The following PLA2G4F variants were observed in gnomAD, a reference collection of about 807,000 sequenced individuals.
PLA2G4F encodes the protein cytosolic phospholipase A2 zeta.
In PLA2G4F, 105 loss-of-function variants were observed where a neutral mutation model predicts 103.1. That is an observed-to-expected ratio of 1.02 (90% CI 0.87 to 1.20). The LOEUF is 1.20. PLA2G4F is among the 50% of genes most tolerant of loss of function. The pLI, the probability that PLA2G4F is intolerant of heterozygous loss-of-function variation, is 0.00. For missense variants in PLA2G4F, 1,155 were observed against 1,075.9 expected, an observed-to-expected ratio of 1.07 and a Z score of -1.03; for synonymous variants, 468 against 441.1, an observed-to-expected ratio of 1.06 and a Z score of -0.76.
At chr15:42,142,362 C>T (rs1371367847) in intron 19 of PLA2G4F, among the ~76,000 whole-genome samples, 158 bp from the exon 20 acceptor site, 1 of 152,208 alleles carries the variant, frequency 6.6e-6, no homozygotes, top group Non-Finnish European at 1.5e-5. Context: ...GAGGGGCTGG[C>T]CCCATCTGAA....
In PLA2G4F at chr15:42,141,047, T is replaced by A; in HGVS notation, c.*937A>T. 2.8e-6 allele frequency: 1 copy of A among 352,508 alleles called. No homozygotes were observed. The highest frequency in any genetic ancestry group is 5.6e-6 in the Non-Finnish European group (1 of 177,372). 21.8% of individuals were successfully genotyped at this position (352,508 alleles called of 1,614,324 possible). The stretch of plus-strand genomic sequence containing the variant: ...AACTTGCCAAGACCCATTGGATGCA[T>A]CTGGGAAAGAGGCAAGAGCCCAGGC... On this transcript the variant is annotated 3_prime_UTR_variant, in exon 20 of 20. Coordinates refer to ENST00000397272, the MANE Select transcript of PLA2G4F (RefSeq NM_213600.4).
intron 18 of PLA2G4F, among the ~76,000 whole-genome samples, chr15:42,143,256 A>T (rs1339344988): frequency 2.0e-5 from 3 of 151,672 alleles, no homozygotes; most frequent in Non-Finnish European, 4.4e-5. Flanking sequence ...GTAATGATCA[A>T]CAATCAATCA....
rs2048815678 is a variant in PLA2G4F at position 42,140,075 on chromosome 15, A to C, written c.*1909T>G. The C allele has an allele frequency of 6.6e-6, 1 of 152,202 alleles. No individual in the cohort carries two copies. The highest frequency in any genetic ancestry group is 1.5e-5 in the Non-Finnish European group (1 of 68,034). 9.4% of individuals were successfully genotyped at this position (152,202 alleles called of 1,614,324 possible). A position where few individuals can be genotyped will look rare whatever the true frequency, so the allele number is the denominator to read the frequency against. On this transcript the variant is annotated 3_prime_UTR_variant, in exon 20 of 20. Coordinates refer to ENST00000397272, the MANE Select transcript of PLA2G4F (RefSeq NM_213600.4). ...TTTCTTGGGAGAGGGTCTGTGGTTTATATCAGCTCTTCAAAAAGTCCACAT... is the reference window on the plus strand; with the variant it reads ...TTTCTTGGGAGAGGGTCTGTGGTTTCTATCAGCTCTTCAAAAAGTCCACAT...
rs766525757 is a variant in PLA2G4F at position 42,150,525 on chromosome 15, G to A, written c.772-39C>T. ...AACACCCAAGAAGCTCTCCAGCAGGGAAGAAAAGTCTCCCCCAACGTGGCC... is the reference window on the plus strand; with the variant it reads ...AACACCCAAGAAGCTCTCCAGCAGGAAAGAAAAGTCTCCCCCAACGTGGCC... On this transcript the variant is annotated intron_variant, in intron 8 of 19. Coordinates refer to ENST00000397272, the MANE Select transcript of PLA2G4F (RefSeq NM_213600.4). 28 of 1,602,060 alleles carry A rather than the reference G, an allele frequency of 1.7e-5. No homozygotes were observed. In the South Asian group the frequency reaches 2.9e-4, roughly 17 times the overall value.
chr15:42,146,929 C>T, intron 13 of PLA2G4F, 195 bp downstream of exon 13: 1 of 591,836 alleles, frequency 1.7e-6, no homozygotes. Flanking sequence ...CAGGCTCCTC[C>T]TCCCCAGGGG....
chr15:42,153,249 C>A, intron 6 of PLA2G4F, 51 bp downstream of exon 6: 1 of 1,568,562 alleles, frequency 6.4e-7, no homozygotes, highest in South Asian at 1.2e-5. Flanking sequence ...GTCACGGGTT[C>A]CTCACTGCCC....
intron 18 of PLA2G4F, among the ~76,000 whole-genome samples, chr15:42,142,989 G>A (rs1440659807): frequency 6.6e-6 from 1 of 151,960 alleles, no homozygotes; most frequent in African/African-American, 2.4e-5. Flanking sequence ...GACCACCCTG[G>A]CCAACATGGT....
In PLA2G4F at chr15:42,148,073, T is replaced by C. The variant is rs376957118; in HGVS notation, c.1060-311A>G. On this transcript the variant is annotated intron_variant, in intron 11 of 19. Coordinates refer to ENST00000397272, the MANE Select transcript of PLA2G4F (RefSeq NM_213600.4). ...GGGCGCCTGCCTGTAGTCCCAGCTA[T>C]CTGGAGGCTGAGGCAGGAGAATGGC... Among the ~76,000 whole-genome samples, 49 of 151,826 alleles carry C rather than the reference T, an allele frequency of 3.2e-4. No individual in the cohort carries two copies. The East Asian group carries it at 7.4e-3, about 23-fold the overall frequency.
Position 42,154,151 on chromosome 15 carries a change from C to A in PLA2G4F, c.391G>T (p.Asp131Tyr). The change falls in exon 4 of 20, where the codon GAC becomes TAC. Residue 131 changes from aspartate (D) to tyrosine (Y), a missense_variant. By Grantham distance (160) the Asp-to-Tyr change is radical. Transcript: ENST00000397272. Reference sequence around the variant, plus strand: ...TGGCCACACTTGAGGCTTCTCAGGTCAAACAGGAGCAGAGAGAGCTGGTCG... The same window carrying A: ...TGGCCACACTTGAGGCTTCTCAGGTAAAACAGGAGCAGAGAGAGCTGGTCG... Reference protein sequence around the residue: ...GSDQLSLLLFDLRSLKCGQPH... With the variant: ...GSDQLSLLLFYLRSLKCGQPH... The A allele has an allele frequency of 6.2e-7, 1 of 1,614,160 alleles. No homozygotes were observed. The highest frequency in any genetic ancestry group is 1.1e-5 in the South Asian group (1 of 91,050).
At chr15:42,146,272 C>T (rs932189063) in intron 13 of PLA2G4F, 31 bp from the exon 14 acceptor site, 14 of 1,599,188 alleles carry the variant, frequency 8.8e-6, no homozygotes, top group Non-Finnish European at 1.1e-5. Flanking sequence ...GCAGCTTGGC[C>T]TTTCAGGAGT....
Position 42,145,904 on chromosome 15 carries a change from C to G in PLA2G4F, c.1535-1G>C. On this transcript the variant is annotated splice_acceptor_variant, in intron 14 of 19. Coordinates refer to ENST00000397272, the MANE Select transcript of PLA2G4F (RefSeq NM_213600.4). LOFTEE classifies it high-confidence loss of function. ...TCATAGGGCGTGAACTCGCACCACTCTAGGGGCCCGAGTGAAGGGAAAGTC... is the reference window on the plus strand; with the variant it reads ...TCATAGGGCGTGAACTCGCACCACTGTAGGGGCCCGAGTGAAGGGAAAGTC... The G allele has an allele frequency of 6.2e-7, 1 of 1,613,738 alleles. No homozygotes were observed. The highest frequency in any genetic ancestry group is 8.5e-7 in the Non-Finnish European group (1 of 1,179,868).
At chr15:42,148,544 A>G in intron 11 of PLA2G4F, 1 of 912,114 alleles carries the variant, frequency 1.1e-6, no homozygotes, top group African/African-American at 1.8e-5. Flanking sequence ...CCCCAGCAGC[A>G]ACAATGAAAT....
chr15:42,140,446 G>A lies in PLA2G4F; in HGVS notation c.*1538C>T, dbSNP rs563789212. 1.3e-5 allele frequency: 2 copies of A among 152,416 alleles called. No homozygotes were observed. The highest frequency in any genetic ancestry group is 4.8e-5 in the African/African-American group (2 of 41,586). 9.4% of individuals were successfully genotyped at this position (152,416 alleles called of 1,614,324 possible). ...GTTGATGACAATGGCCACAGCAGGA[G>A]CCAGATAAACTCCCAGATAAACCTC... On this transcript the variant is annotated 3_prime_UTR_variant, in exon 20 of 20. Transcript: ENST00000397272.
Position 42,145,822 on chromosome 15 carries a change from A to G in PLA2G4F, c.1616T>C (p.Leu539Pro), listed in dbSNP as rs777523055. Residue 539 changes from leucine (L) to proline (P), a missense_variant, in exon 15 of 20, where the codon CTC (leucine) becomes CCC (proline). Coordinates refer to ENST00000397272, the MANE Select transcript of PLA2G4F (RefSeq NM_213600.4). ...YVPTELFGSE[L>P]FMGRLLQLQP... ...GAGCTGCAGCAATCGTCCCATGAAG[A>G]GTTCTGAGCCGAAGAGCTCGGTGGG... The G allele has an allele frequency of 1.7e-5, 28 of 1,614,104 alleles. No homozygotes were observed. Among genetic ancestry groups the G allele is most frequent in the Non-Finnish European group, 2.4e-5 (28 of 1,180,030 alleles).
intron 11 of PLA2G4F, chr15:42,148,600 G>A (rs1429030217): frequency 1.0e-6 from 1 of 980,844 alleles, no homozygotes; most frequent in Non-Finnish European, 1.2e-6. Context: ...CGGTGGGGAG[G>A]AACTAAATTG....
At chr15:42,148,625 C>T in intron 11 of PLA2G4F, 1 of 985,320 alleles carries the variant, frequency 1.0e-6, no homozygotes, top group Non-Finnish European at 1.2e-6. Context: ...CCGTTGAGCA[C>T]CACCGAGCTA....
rs770858098 is a variant in PLA2G4F, at chr15:42,150,490, TG to T, written c.772-5del. 5.0e-6 allele frequency: 8 copies of T among 1,610,180 alleles called. No homozygotes were observed. The highest frequency in any genetic ancestry group is 6.8e-6 in the Non-Finnish European group (8 of 1,178,754). On this transcript the variant is annotated splice_region_variant and splice_polypyrimidine_tract_variant and intron_variant, in intron 8 of 19. Coordinates refer to ENST00000397272, the MANE Select transcript of PLA2G4F (RefSeq NM_213600.4). The stretch of plus-strand genomic sequence containing the variant: ...CCAACTCTGCGCTGGGGCCACTCTG[TG>T]GAAAAGAAAACACCCAAGAAGCTCT...
chr15:42,153,600 T>A lies in PLA2G4F; in HGVS notation c.491+20A>T. 4 of 1,613,976 alleles carry A rather than the reference T, an allele frequency of 2.5e-6. No homozygotes were observed. The highest frequency in any genetic ancestry group is 3.4e-6 in the Non-Finnish European group (4 of 1,179,850). ...TCAAATCTCTGAGTCTCTGAGGGCG[T>A]TGGCTCTACCAGAACTCACCTCTTC... On this transcript the variant is annotated intron_variant, in intron 5 of 19. Coordinates refer to ENST00000397272, the MANE Select transcript of PLA2G4F (RefSeq NM_213600.4).
chr15:42,144,492 G>A lies in PLA2G4F; in HGVS notation c.1933C>T (p.His645Tyr), dbSNP rs2048859226. 3 of 1,612,226 alleles carry A rather than the reference G, an allele frequency of 1.9e-6. No individual in the cohort carries two copies. Among genetic ancestry groups the A allele is most frequent in the South Asian group, 2.2e-5 (2 of 91,000 alleles). ...SFNFTRGLCL[H>Y]KDYVAGREFV... is the part of the protein sequence containing the mutation. ...TCCCTGCCAGCCACATAGTCCTTGTGCAAGCAGAGACCCCGGGTGAAGTTA... is the reference window on the plus strand; with the variant it reads ...TCCCTGCCAGCCACATAGTCCTTGTACAAGCAGAGACCCCGGGTGAAGTTA... Residue 645 changes from histidine to tyrosine, a missense_variant, in exon 17 of 20, where the codon CAC becomes TAC. His to Tyr is a moderately conservative substitution (Grantham distance 83). Transcript: ENST00000397272.
Sources: gnomAD v4.1 joint callset for allele counts (sites outside exome capture counted in the v4.1 genomes callset) on GRCh38, gnomAD v4.1.1 for gene constraint, MANE v1.5 for transcripts, NCBI Gene and HGNC (gene_info 2026-07-23, HGNC 2026-07-21) for gene names.